The following GON4L variants were observed in gnomAD, a reference collection of about 807,000 sequenced individuals.
GON4L encodes gon-4 like.
A neutral mutation model predicts 211.8 loss-of-function variants in GON4L; 87 were observed. The observed-to-expected ratio is 0.41, with a 90% CI of 0.35 to 0.49. GON4L has a LOEUF of 0.49. GON4L is among the 20% of genes least tolerant of loss of function. The pLI is 0.15. For missense variants in GON4L, 2,155 were observed against 2,659.5 expected (o/e 0.81, Z 4.17); for synonymous variants, 875 against 962.6 (o/e 0.91, Z 1.68).
In GON4L at chr1:155,773,076, C is replaced by T. The variant is rs749603925; in HGVS notation, c.2485G>A (p.Ala829Thr). The T allele has an allele frequency of 6.2e-7, 1 of 1,612,098 alleles. No individual in the cohort carries two copies. The highest frequency in any genetic ancestry group is 1.1e-5 in the South Asian group (1 of 91,014). ...AGAGTAAACACTTACTTGTCCTCAGCCTTGGTGAAGACGATCTTATCCTGG... is the reference window on the plus strand; with the variant it reads ...AGAGTAAACACTTACTTGTCCTCAGTCTTGGTGAAGACGATCTTATCCTGG... ...NPQDKIVFTK[A>T]EDNLLALGLK... Residue 829 changes from alanine (A) to threonine (T), a missense_variant, in exon 18 of 32, where the codon GCT becomes ACT. This residue lies in a region of GON4L where 551 missense variants were observed against 854.0 expected (regional missense o/e 0.65). Transcript: ENST00000368331.
At chr1:155,773,351 A>G in intron 17 of GON4L, 141 bp from the exon 18 acceptor site, 1 of 875,140 alleles carries the variant, frequency 1.1e-6, no homozygotes, top group South Asian at 1.6e-5. Context: ...CATCCCCCCA[A>G]AAGTTTCCAG....
Position 155,765,913 on chromosome 1 carries a change from G to A in GON4L, c.3560C>T (p.Pro1187Leu). Residue 1187 changes from proline (P) to leucine (L), a missense_variant, in exon 21 of 32, where the codon CCT becomes CTT. Coordinates refer to ENST00000368331, the MANE Select transcript of GON4L (RefSeq NM_001282860.2). ...TIPITTLLVN[P>L]TSFPCPLNQS... ...GTTCAATGGACAGGGGAAGGAAGTA[G>A]GGTTAACCAAGAGGGTAGTGATGGG... The A allele has an allele frequency of 3.7e-6, 6 of 1,614,208 alleles. No individual in the cohort carries two copies. The highest frequency in any genetic ancestry group is 5.1e-6 in the Non-Finnish European group (6 of 1,180,038).
chr1:155,816,596 A>G (rs1668259924), intron 6 of GON4L, among the ~76,000 whole-genome samples: 1 of 152,182 alleles, frequency 6.6e-6, no homozygotes, highest in African/African-American at 2.4e-5. Context: ...ATAAACTATT[A>G]AACTACACAA....
Position 155,769,803 on chromosome 1 carries a change from T to C in GON4L, c.2646+1264A>G, listed in dbSNP as rs151059307. ...CTAACCAAAATTGTGACATAATTAC[T>C]AGCGAGGAGATTGGAGAGCAGAAAA... On this transcript the variant is annotated intron_variant, in intron 19 of 31. Coordinates refer to ENST00000368331, the MANE Select transcript of GON4L (RefSeq NM_001282860.2). 5.2e-3 allele frequency among the ~76,000 whole-genome samples: 795 copies of C among 152,042 alleles called. 5 individuals are homozygous for C. Among genetic ancestry groups the C allele is most frequent in the African/African-American group, 0.018 (749 of 41,460 alleles).
At position 155,815,896 on chromosome 1, in the gene GON4L, G is replaced by A. The variant is rs1442852047; in HGVS notation, c.1070C>T (p.Pro357Leu). 6.5e-7 allele frequency: 1 copy of A among 1,549,710 alleles called. No homozygotes were observed. Among genetic ancestry groups the A allele is most frequent in the Admixed American group, 1.7e-5 (1 of 59,866 alleles). Residue 357 changes from proline to leucine, a missense_variant, in exon 8 of 32, where the codon CCT becomes CTT. By Grantham distance (98) the Pro-to-Leu change is moderately conservative. Coordinates refer to ENST00000368331, the MANE Select transcript of GON4L (RefSeq NM_001282860.2). The part of the protein sequence containing the change: ...PIKKANEIKP[P>L]QFVDIHLEED... ...TTCAAGGTGGATATCCACAAACTGAGGAGGCTACATTAGTACAATTAGAAA... is the reference window on the plus strand; with the variant it reads ...TTCAAGGTGGATATCCACAAACTGAAGAGGCTACATTAGTACAATTAGAAA...
chr1:155,817,420 T>C (rs1668347058), intron 6 of GON4L, among the ~76,000 whole-genome samples: 1 of 152,140 alleles, frequency 6.6e-6, no homozygotes. Flanking sequence ...GGCCATTAGG[T>C]TCTGTCTCTA....
chr1:155,802,560 G>A lies in GON4L; in HGVS notation c.1645+2389C>T, dbSNP rs78865896. Among the ~76,000 whole-genome samples, 1,018 of 152,180 alleles carry A rather than the reference G, an allele frequency of 6.7e-3. 11 individuals are homozygous for A. Among genetic ancestry groups the A allele is most frequent in the African/African-American group, 0.023 (966 of 41,532 alleles). ...CCAGCTCTTTCATGTAGCTGTCTCT[G>A]ATCATCCTAAACAAAAGTTACCCTG... On this transcript the variant is annotated intron_variant, in intron 11 of 31. Coordinates refer to ENST00000368331, the MANE Select transcript of GON4L (RefSeq NM_001282860.2).
chr1:155,773,062 T>C lies in GON4L; in HGVS notation c.2495+4A>G, dbSNP rs1663375519. 1 of 1,611,866 alleles carries C rather than the reference T, an allele frequency of 6.2e-7. No individual in the cohort carries two copies. The highest frequency in any genetic ancestry group is 8.5e-7 in the Non-Finnish European group (1 of 1,179,812). On this transcript the variant is annotated splice_donor_region_variant and intron_variant, in intron 18 of 31. Transcript: ENST00000368331. ...TGTTTTGATCCCCCAGAGTAAACAC[T>C]TACTTGTCCTCAGCCTTGGTGAAGA...
At chr1:155,851,246 C>A (rs1356942486) in intron 2 of GON4L, among the ~76,000 whole-genome samples, 2 of 149,374 alleles carry the variant, frequency 1.3e-5, no homozygotes, top group African/African-American at 2.5e-5. Context: ...CCCAGCTACT[C>A]GGGAGGCTGA....
At chr1:155,813,446 A>C (rs1206486223) in intron 10 of GON4L, among the ~76,000 whole-genome samples, 188 bp downstream of exon 10, 1 of 151,952 alleles carries the variant, frequency 6.6e-6, no homozygotes, top group Non-Finnish European at 1.5e-5. Context: ...ACAAACAAAC[A>C]AACAAAAAAA....
At chr1:155,833,738 G>GGGAGGACA (rs1670022845) in intron 2 of GON4L, among the ~76,000 whole-genome samples, 1 of 66,422 alleles carries the variant, frequency 1.5e-5, no homozygotes, top group Non-Finnish European at 2.7e-5. Context: ...GGGAGGAGAG[G>GGGAGGACA]GGAGGAGAGG....
At chr1:155,800,585 G>A (rs915686418) in intron 11 of GON4L, among the ~76,000 whole-genome samples, 1 of 152,042 alleles carries the variant, frequency 6.6e-6, no homozygotes, top group African/African-American at 2.4e-5. Flanking sequence ...CAGGTGCGGT[G>A]GCTCAAGCCT....
At chr1:155,817,933 A>T (rs1668392257) in intron 6 of GON4L, among the ~76,000 whole-genome samples, 1 of 151,516 alleles carries the variant, frequency 6.6e-6, no homozygotes, top group Admixed American at 6.6e-5. Flanking sequence ...GAAAAAAAAA[A>T]AAAAAAAAAG....
Position 155,853,514 on chromosome 1 carries a change from T to C in GON4L, c.267A>G (p.Val89=). ...SSGMLTQNTN[V]PILEGVDVAI... The stretch of plus-strand genomic sequence containing the variant: ...CCACATCAACACCTTCTAGAATTGG[T>C]ACATTTGTGTTCTGGGTGAGCATTC... Residue 89 remains valine (V), a synonymous_variant, in exon 2 of 32, where the codon GTA becomes GTG. Transcript: ENST00000368331. The C allele has an allele frequency of 4.3e-6, 7 of 1,614,210 alleles. No homozygotes were observed. Among genetic ancestry groups the C allele is most frequent in the Non-Finnish European group, 5.9e-6 (7 of 1,180,026 alleles).
Position 155,751,972 on chromosome 1 carries a change from A to G in GON4L, c.6461T>C (p.Val2154Ala). Residue 2154 changes from valine (V) to alanine (A), a missense_variant, in exon 30 of 32, where the codon GTC (valine) becomes GCC (alanine). Around this residue, in one of 6 missense-constraint regions of GON4L, gnomAD observed 186 missense variants for 308.1 expected, o/e 0.60. Transcript: ENST00000368331. ...SKVSSTGEKV[V>A]LWTREADRVI... ...CACCCTTACCTACCTTGTCCACAGG[A>G]CAACCTTTTCCCCAGTGGAGCTGAC... 6.2e-7 allele frequency: 1 copy of G among 1,612,148 alleles called. No homozygotes were observed. Among genetic ancestry groups the G allele is most frequent in the Non-Finnish European group, 8.5e-7 (1 of 1,178,410 alleles).
chr1:155,831,454 A>AAAAT (rs143578512), intron 2 of GON4L: 3,079 of 141,086 alleles, frequency 0.022, 46 homozygotes, highest in African/African-American at 0.039. Context: ...TGTCTCGTTA[A>AAAAT]AAATAAATAA....
chr1:155,841,765 C>T (rs1670791008), intron 2 of GON4L, among the ~76,000 whole-genome samples: 6 of 152,218 alleles, frequency 3.9e-5, no homozygotes, highest in Admixed American at 3.9e-4. Flanking sequence ...CAGTGGCTCA[C>T]ACCTGTAATC....
At chr1:155,800,940 TAGGAGTATA>T (rs1666598572) in intron 11 of GON4L, among the ~76,000 whole-genome samples, 1 of 151,186 alleles carries the variant, frequency 6.6e-6, no homozygotes, top group African/African-American at 2.4e-5. Context: ...GTTCTACTCC[TAGGAGTATA>T]ACAAATTGAT....
downstream of GON4L, chr1:155,745,793 C>A (rs760506549): frequency 4.8e-6 from 3 of 629,948 alleles, no homozygotes; most frequent in Non-Finnish European, 8.4e-6. Flanking sequence ...GCGAGCGGCG[C>A]GGCTGAGGCG....
Sources: gnomAD v4.1 joint callset for allele counts (sites outside exome capture counted in the v4.1 genomes callset) on GRCh38, gnomAD v4.1.1 for gene constraint, gnomAD v4.1.1 regional missense constraint, MANE v1.5 for transcripts, NCBI Gene and HGNC (gene_info 2026-07-23, HGNC 2026-07-21) for gene names.